Variants in STXBP2 observed in about 807,000 individuals in gnomAD.
The protein encoded by STXBP2 is syntaxin binding protein 2.
In STXBP2, 47 loss-of-function variants were observed where a neutral mutation model predicts 72.2. The observed-to-expected ratio is 0.65, with a 90% confidence interval of 0.51 to 0.83. STXBP2 has a LOEUF of 0.83. Ranked by LOEUF, STXBP2 falls within the 40% of genes least tolerant of loss-of-function variation. The pLI is 0.00. For missense variants in STXBP2, 702 were observed against 807.6 expected (o/e 0.87, Z 1.58); for synonymous variants, 367 against 338.7 (o/e 1.08, Z -0.92).
At chr19:7,644,153 G>A (rs1239649562) in intron 13 of STXBP2, among the ~76,000 whole-genome samples, 2 of 127,312 alleles carry the variant, frequency 1.6e-5, no homozygotes, top group Admixed American at 1.5e-4. Flanking sequence ...GTGGAGCCTT[G>A]GAGAGGTGGG....
chr19:7,638,552 T>C (rs1021182167), intron 1 of STXBP2, among the ~76,000 whole-genome samples, 174 bp from the exon 2 acceptor site: 1 of 151,618 alleles, frequency 6.6e-6, no homozygotes, highest in Non-Finnish European at 1.5e-5. Context: ...CAGTGAGTTA[T>C]GATCACACCA....
At chr19:7,631,173 C>T in the STXBP2 span, 3 of 1,196,624 alleles carry the variant, frequency 2.5e-6, no homozygotes, top group East Asian at 5.5e-5. Flanking sequence ...CACGCCACTG[C>T]ACTCCAGCCT....
At chr19:7,640,199 CGT>C in intron 4 of STXBP2, 2 of 444,136 alleles carry the variant, frequency 4.5e-6, no homozygotes, top group African/African-American at 2.8e-5. Flanking sequence ...TGTGTGTATG[CGT>C]GTGTATGTAT....
In STXBP2 at chr19:7,644,899, AC is replaced by A. The variant is rs762268055; in HGVS notation, c.1246+150del. ...CACAGCTACCCCTCTGGACCCGGGA[AC>A]CCTCCTCCATTGGCTTGGGGATTCC... On this transcript the variant is annotated intron_variant, in intron 14 of 18. Transcript: ENST00000221283. 7.4e-6 allele frequency: 11 copies of A among 1,484,178 alleles called. No homozygotes were observed. In the South Asian group the frequency reaches 1.5e-4, roughly 20 times the overall value. The allele number at this position is 1,484,178 out of a possible 1,614,324, so 91.9% of individuals were successfully genotyped here. A position where few individuals can be genotyped will look rare whatever the true frequency, so the allele number is the denominator to read the frequency against.
chr19:7,647,596 G>A, intron 18 of STXBP2, 85 bp downstream of exon 18: 1 of 1,585,942 alleles, frequency 6.3e-7, no homozygotes, highest in Non-Finnish European at 8.6e-7. Flanking sequence ...CTGGACTCCA[G>A]AGTCCTTGGA....
At chr19:7,630,996 G>A in the STXBP2 span, 1 of 1,047,894 alleles carries the variant, frequency 9.5e-7, no homozygotes. Context: ...ATCACTTGAG[G>A]TCAGGAGTTC....
At chr19:7,631,637 A>G in the STXBP2 span, 1 of 1,453,604 alleles carries the variant, frequency 6.9e-7, no homozygotes, top group African/African-American at 1.4e-5. Context: ...TAAGTGTTTT[A>G]TTCTTTTATC....
In STXBP2 at chr19:7,644,766, G is replaced by T; in HGVS notation, c.1246+14G>T. On this transcript the variant is annotated intron_variant, in intron 14 of 18. Transcript: ENST00000221283. ...TCCTTCGGAATGGTGGGTGGGGGCT[G>T]CAGGGAGTTGGAACGTCCCCATTTG... The T allele has an allele frequency of 6.2e-7, 1 of 1,613,510 alleles. No homozygotes were observed. Among genetic ancestry groups the T allele is most frequent in the South Asian group, 1.1e-5 (1 of 91,086 alleles).
At chr19:7,640,379 C>T (rs1444617131) in intron 4 of STXBP2, 1 of 566,454 alleles carries the variant, frequency 1.8e-6, no homozygotes, top group Non-Finnish European at 3.3e-6. Context: ...TGTGTGTGCG[C>T]ATCAGTGTCT....
In STXBP2 at chr19:7,638,791, A is replaced by G. The variant is rs1193738954; in HGVS notation, c.87+16A>G. The G allele has an allele frequency of 1.9e-6, 3 of 1,614,008 alleles. No homozygotes were observed. In the South Asian group the frequency reaches 3.3e-5, roughly 18 times the overall value. On this transcript the variant is annotated intron_variant, in intron 2 of 18. Coordinates refer to ENST00000221283, the MANE Select transcript of STXBP2 (RefSeq NM_006949.4). ...GGAGTGGAAGGTAGGGGTGAGGCAG[A>G]TGGCTGGGTACCCAGAGGCAGCTCA...
At chr19:7,633,487 G>A, upstream of STXBP2, 1 of 1,561,544 alleles carries the variant, frequency 6.4e-7, no homozygotes, top group Non-Finnish European at 8.7e-7. Flanking sequence ...TTTTCTGCTG[G>A]CCTCTGCCCC....
Position 7,643,045 on chromosome 19 carries a change from T to A in STXBP2, c.1023T>A (p.Asn341Lys). 6.2e-7 allele frequency: 1 copy of A among 1,614,170 alleles called. No individual in the cohort carries two copies. The highest frequency in any genetic ancestry group is 1.1e-5 in the South Asian group (1 of 91,092). The change falls in exon 12 of 19, where the codon AAT becomes AAA. Residue 341 changes from asparagine (N) to lysine (K), a missense_variant. By Grantham distance (94) the Asn-to-Lys change is moderately conservative. Coordinates refer to ENST00000221283, the MANE Select transcript of STXBP2 (RefSeq NM_006949.4). ...TGCCGCAGTACCAGAAGGAGCTGAA[T>A]AAGGTGTGCTCGGGTGGGCAGGGAG... ...KKMPQYQKEL[N>K]KYSTHLHLAD...
At position 7,642,687 on chromosome 19, in the gene STXBP2, C is replaced by G. The variant is rs1417690616; in HGVS notation, c.903-79C>G. ...GCCTCCAATTTCACCCCACCTCTCC[C>G]TGTCCCCCCTGAGTGGGCTCACCCA... On this transcript the variant is annotated intron_variant, in intron 10 of 18. Transcript: ENST00000221283. This position sits in a 1 kb window ranked among gnomAD's most constrained non-coding sequence, Gnocchi z 6.0. 3 of 1,502,578 alleles carry G rather than the reference C, an allele frequency of 2.0e-6. No homozygotes were observed. The highest frequency in any genetic ancestry group is 1.8e-4 in the Middle Eastern group (1 of 5,556). The allele number at this position is 1,502,578 out of a possible 1,614,324, so 93.1% of individuals were successfully genotyped here. A position where few individuals can be genotyped will look rare whatever the true frequency, so the allele number is the denominator to read the frequency against.
chr19:7,638,271 G>A (rs970385888), intron 1 of STXBP2, among the ~76,000 whole-genome samples: 4 of 152,192 alleles, frequency 2.6e-5, no homozygotes. Flanking sequence ...CTGTAAATTG[G>A]GGGTGACCCC....
chr19:7,647,200 C>T lies in STXBP2; in HGVS notation c.1491C>T (p.Pro497=), dbSNP rs574613622. ...ACCGGCTGGACAGGAACCTGTGGCC[C>T]TTCGTATCCGACCCCGCCCCCACGG... ...VEDRLDRNLW[P]FVSDPAPTAS... The change falls in exon 17 of 19, where the codon CCC becomes CCT. Residue 497 remains proline (P), a synonymous_variant. Coordinates refer to ENST00000221283, the MANE Select transcript of STXBP2 (RefSeq NM_006949.4). 11 of 1,612,042 alleles carry T rather than the reference C, an allele frequency of 6.8e-6. No homozygotes were observed. The African/African-American group carries it at 8.0e-5, about 12-fold the overall frequency.
In STXBP2 at chr19:7,646,382, G is replaced by A. The variant is rs143562185; in HGVS notation, c.1452+38G>A. ...AGGTCAGGGTGGGGGCCAGCCCTCC[G>A]CATCGGCTGGCGGCTCAGCCTCCCT... On this transcript the variant is annotated intron_variant, in intron 16 of 18. Coordinates refer to ENST00000221283, the MANE Select transcript of STXBP2 (RefSeq NM_006949.4). The A allele has an allele frequency of 5.2e-3, 8,074 of 1,545,790 alleles. 25 individuals carry two copies. The highest frequency in any genetic ancestry group is 5.7e-3 in the East Asian group (244 of 42,918).
the STXBP2 span, chr19:7,629,834 A>G: frequency 8.5e-6 from 13 of 1,536,278 alleles, no homozygotes; most frequent in Admixed American, 2.0e-5. Flanking sequence ...GAGAAACGAG[A>G]TGGGGGTGAA....
At position 7,642,858 on chromosome 19, in the gene STXBP2, G is replaced by A; in HGVS notation, c.960+35G>A. The A allele has an allele frequency of 9.3e-6, 15 of 1,613,970 alleles. No individual in the cohort carries two copies. Among genetic ancestry groups the A allele is most frequent in the Non-Finnish European group, 1.2e-5 (14 of 1,179,884 alleles). On this transcript the variant is annotated intron_variant, in intron 11 of 18. Coordinates refer to ENST00000221283, the MANE Select transcript of STXBP2 (RefSeq NM_006949.4). The surrounding 1 kb of genome is among the most constrained non-coding windows in gnomAD (Gnocchi z 6.0). ...GACCCAGGTCACCAAAGGCGCTGGT[G>A]GAAGGAAGCCCCCCTCCCCATGGGC...
upstream of STXBP2, chr19:7,632,537 CTT>C (rs2031363249): frequency 1.2e-6 from 2 of 1,611,198 alleles, no homozygotes; most frequent in South Asian, 2.2e-5. The surrounding 1 kb of genome is among the most constrained non-coding windows in gnomAD (Gnocchi z 5.2). Context: ...CGTTCACAGA[CTT>C]GGGAGGACAC....
Sources: allele counts gnomAD v4.1 joint callset (sites outside exome capture counted in the v4.1 genomes callset), GRCh38; gene constraint gnomAD v4.1.1; non-coding constraint Gnocchi (gnomAD v3.1); transcripts MANE v1.5; gene names NCBI Gene and HGNC (gene_info 2026-07-23, HGNC 2026-07-21).